The following EYA2 variants were observed in gnomAD, a reference collection of about 807,000 sequenced individuals.
EYA2 encodes EYA transcriptional coactivator and phosphatase 2.
In EYA2, 31 loss-of-function variants were observed where a neutral mutation model predicts 69.2. That is an observed-to-expected ratio of 0.45 (90% confidence interval 0.34 to 0.60). The LOEUF is 0.60. EYA2 is among the 20% of genes least tolerant of loss of function. The pLI, the probability that EYA2 is intolerant of heterozygous loss-of-function variation, is 0.02. For synonymous variants in EYA2, 257 were observed against 279.4 expected, an observed-to-expected ratio of 0.92 and a Z score of 0.80; for missense variants, 622 against 701.2, an observed-to-expected ratio of 0.89 and a Z score of 1.28.
chr20:47,187,176 C>T (rs1187567743), intron 15 of EYA2, among the ~76,000 whole-genome samples: 1 of 151,972 alleles, frequency 6.6e-6, no homozygotes, highest in Non-Finnish European at 1.5e-5. Flanking sequence ...TGAGACCAGC[C>T]TGGTCACCAT....
chr20:47,169,014 A>G, intron 10 of EYA2, 125 bp from the exon 11 acceptor site: 1 of 802,660 alleles, frequency 1.2e-6, no homozygotes, highest in East Asian at 2.5e-5. Context: ...CTAGAACCCG[A>G]GCCTGATGAC....
At chr20:47,146,493 A>G (rs1367602698) in intron 10 of EYA2, among the ~76,000 whole-genome samples, 2 of 152,216 alleles carry the variant, frequency 1.3e-5, no homozygotes, top group Non-Finnish European at 2.9e-5. Flanking sequence ...TAGGGAAGCC[A>G]GTTTGTTTTT....
chr20:46,908,351 C>T (rs558099398), intron 1 of EYA2, among the ~76,000 whole-genome samples: 3 of 152,236 alleles, frequency 2.0e-5, no homozygotes, highest in Non-Finnish European at 2.9e-5. Flanking sequence ...AGGAATGCAG[C>T]GCTGAAGGAA....
At chr20:47,053,065 G>T (rs115242370) in intron 5 of EYA2, among the ~76,000 whole-genome samples, 2,089 of 152,212 alleles carry the variant, frequency 0.014, 52 homozygotes, top group African/African-American at 0.048. Context: ...CCTGTGGAGG[G>T]CATAGAATTG....
intron 1 of EYA2, among the ~76,000 whole-genome samples, chr20:46,904,797 A>G (rs1984276898): frequency 6.6e-6 from 1 of 152,208 alleles, no homozygotes. Flanking sequence ...CTAAGTTGTA[A>G]CATTGTAGTC....
intron 1 of EYA2, among the ~76,000 whole-genome samples, chr20:46,976,535 G>A (rs941885412): frequency 7.9e-5 from 12 of 152,186 alleles, no homozygotes; most frequent in East Asian, 3.9e-4. Context: ...ACAGGTGCCC[G>A]CCACCACGCC....
intron 4 of EYA2, among the ~76,000 whole-genome samples, chr20:47,011,981 G>A (rs1983085837): frequency 6.6e-6 from 1 of 152,050 alleles, no homozygotes; most frequent in Admixed American, 6.5e-5. Context: ...TATTTTGTAT[G>A]CTTCTCCTCT....
At chr20:47,140,426 A>G (rs185457676) in intron 9 of EYA2, among the ~76,000 whole-genome samples, 2 of 150,432 alleles carry the variant, frequency 1.3e-5, no homozygotes, top group African/African-American at 4.9e-5. Flanking sequence ...CACCAGCTGC[A>G]TTTTTTTCTT....
At chr20:46,974,878 T>A (rs1980364359) in intron 1 of EYA2, among the ~76,000 whole-genome samples, 1 of 152,110 alleles carries the variant, frequency 6.6e-6, no homozygotes, top group African/African-American at 2.4e-5. Flanking sequence ...TCACTGCACG[T>A]TGGGTGCCTT....
At chr20:47,157,353 CAAAAAAAAAA>C (rs57425490) in intron 10 of EYA2, among the ~76,000 whole-genome samples, 1,468 of 60,792 alleles carry the variant, frequency 0.024, 44 homozygotes, top group East Asian at 0.2. Flanking sequence ...GACTCCGTCT[CAAAAAAAAAA>C]AAAAAAAAAA....
At chr20:46,960,852 G>GT (rs1202678450) in intron 1 of EYA2, among the ~76,000 whole-genome samples, 1 of 152,102 alleles carries the variant, frequency 6.6e-6, no homozygotes, top group Non-Finnish European at 1.5e-5. Flanking sequence ...CATCCAAGCT[G>GT]TGGGGCCCCT....
chr20:46,987,964 CTATATATATATATATATATATATATATA>C (rs71183225), intron 1 of EYA2, among the ~76,000 whole-genome samples: 3 of 11,280 alleles, frequency 2.7e-4, no homozygotes, highest in African/African-American at 8.3e-4. Flanking sequence ...CTCTCTCTCT[CTATATATATATATATATATATATATATA>C]TATATGGGGC....
intron 1 of EYA2, among the ~76,000 whole-genome samples, chr20:46,908,288 A>C (rs1432288141): frequency 1.3e-5 from 2 of 152,248 alleles, no homozygotes; most frequent in African/African-American, 2.4e-5. Context: ...TGATAAGTCC[A>C]TGGAGAAAAA....
chr20:46,997,327 C>T (rs1167696233), intron 2 of EYA2, among the ~76,000 whole-genome samples: 1 of 152,200 alleles, frequency 6.6e-6, no homozygotes, highest in Non-Finnish European at 1.5e-5. Context: ...CACCAGGCCC[C>T]TCCTCCAACA....
chr20:47,046,985 T>TC (rs1262703007), intron 5 of EYA2, among the ~76,000 whole-genome samples: 1 of 152,196 alleles, frequency 6.6e-6, no homozygotes, highest in African/African-American at 2.4e-5. Context: ...GATATCTGTC[T>TC]CCCCTGGGTT....
intron 1 of EYA2, among the ~76,000 whole-genome samples, chr20:46,944,578 AACAGC>A (rs1978346250): frequency 6.6e-6 from 1 of 152,008 alleles, no homozygotes; most frequent in South Asian, 2.1e-4. Context: ...AAATGAGAAA[AACAGC>A]ACCCGCTCCA....
At chr20:47,116,606 A>C (rs1268125270) in intron 9 of EYA2, among the ~76,000 whole-genome samples, 1 of 152,028 alleles carries the variant, frequency 6.6e-6, no homozygotes, top group African/African-American at 2.4e-5. Context: ...GGCACCTGTG[A>C]CCCTCTGCAG....
At chr20:47,187,995 GT>G in intron 15 of EYA2, 57 bp from the exon 16 acceptor site, 1 of 1,532,482 alleles carries the variant, frequency 6.5e-7, no homozygotes, top group East Asian at 2.4e-5. Flanking sequence ...AACCACAGGC[GT>G]GGAACCCGGG....
chr20:46,906,681 G>A (rs931704036), intron 1 of EYA2, among the ~76,000 whole-genome samples: 1 of 152,174 alleles, frequency 6.6e-6, no homozygotes, highest in African/African-American at 2.4e-5. Context: ...AGTGAGAAAA[G>A]TAAGACACAG....
Sources: gnomAD v4.1 joint callset for allele counts (sites outside exome capture counted in the v4.1 genomes callset) on GRCh38, gnomAD v4.1.1 for gene constraint, MANE v1.5 for transcripts, NCBI Gene and HGNC (gene_info 2026-07-23, HGNC 2026-07-21) for gene names.